KCNH7: variants seen among roughly 807,000 people sequenced by gnomAD.
KCNH7 encodes potassium voltage-gated channel subfamily H member 7.
Under a neutral mutation model 120.8 loss-of-function variants are expected in KCNH7, and 49 were observed. The observed-to-expected ratio is 0.41, with a 90% CI of 0.32 to 0.51. The LOEUF is 0.51. Among genes scored for constraint, KCNH7 ranks in the 20% least tolerant of loss-of-function variants. The pLI is 0.38. For missense variants in KCNH7, 1,097 were observed against 1,446.6 expected (o/e 0.76, Z 3.92); for synonymous variants, 547 against 516.1 (o/e 1.06, Z -0.81).
In KCNH7 at chr2:162,396,756, C is replaced by G; in HGVS notation, c.2597G>C (p.Arg866Thr). ...LTNLELTFNL[R>T]HESAKADLLR... ...AACATATACCTTTGCGCTCTCATGC[C>G]TTAGGTTGAAAGTCAACTCTAGGTT... Residue 866 changes from arginine to threonine, a missense_variant, in exon 11 of 16, where the codon AGG (arginine) becomes ACG (threonine). Coordinates refer to ENST00000332142, the MANE Select transcript of KCNH7 (RefSeq NM_033272.4). 2 of 1,610,626 alleles carry G rather than the reference C, an allele frequency of 1.2e-6. No homozygotes were observed. The highest frequency in any genetic ancestry group is 1.7e-6 in the Non-Finnish European group (2 of 1,177,902).
At chr2:162,718,182 T>A (rs748451121) in intron 2 of KCNH7, among the ~76,000 whole-genome samples, 24 of 151,738 alleles carry the variant, frequency 1.6e-4, no homozygotes, top group Non-Finnish European at 3.2e-4. Context: ...GCACCTAAAA[T>A]GTGACATGAT....
At chr2:162,533,179 C>CA (rs1280953082) in intron 3 of KCNH7, among the ~76,000 whole-genome samples, 2 of 150,934 alleles carry the variant, frequency 1.3e-5, no homozygotes, top group Non-Finnish European at 3.0e-5. Context: ...TCCCAAATAC[C>CA]AAAAAAACCC....
In KCNH7 at chr2:162,822,997, A is replaced by G. The variant is rs191970044; in HGVS notation, c.307+13540T>C. Among the ~76,000 whole-genome samples the G allele has an allele frequency of 2.1e-4, 32 of 152,342 alleles. No homozygotes were observed. In the East Asian group the frequency reaches 5.6e-3, roughly 27 times the overall value. ...CAGAAACATTTCACACTTTGCATCA[A>G]GGGGAGACCTGACTCCACATATGTG... On this transcript the variant is annotated intron_variant, in intron 2 of 15. Transcript: ENST00000332142.
At chr2:162,722,584 T>C (rs767731054) in intron 2 of KCNH7, among the ~76,000 whole-genome samples, 7 of 152,018 alleles carry the variant, frequency 4.6e-5, no homozygotes, top group Non-Finnish European at 8.8e-5. Flanking sequence ...TGTAGACCAG[T>C]TGGGTTCATC....
chr2:162,449,205 A>G (rs539412989), intron 6 of KCNH7, among the ~76,000 whole-genome samples: 23 of 152,206 alleles, frequency 1.5e-4, no homozygotes, highest in South Asian at 1.0e-3. Flanking sequence ...CTGAAGGTCT[A>G]ATGTGACTGG....
intron 2 of KCNH7, among the ~76,000 whole-genome samples, chr2:162,619,101 T>C (rs998661955): frequency 3.3e-5 from 5 of 152,168 alleles, no homozygotes; most frequent in African/African-American, 1.2e-4. Context: ...ATTCATTTAT[T>C]CATTCATTGA....
At chr2:162,580,323 A>C (rs1693827200) in intron 2 of KCNH7, among the ~76,000 whole-genome samples, 1 of 152,214 alleles carries the variant, frequency 6.6e-6, no homozygotes, top group South Asian at 2.1e-4. Context: ...GAGCCAGTAC[A>C]TATCCTTCAG....
intron 8 of KCNH7, among the ~76,000 whole-genome samples, chr2:162,430,039 CT>C (rs369221694): frequency 5.3e-5 from 8 of 150,744 alleles, no homozygotes; most frequent in African/African-American, 7.3e-5. Flanking sequence ...ATGCTTGTAA[CT>C]TTTTTTTTGT....
chr2:162,495,525 G>T (rs1267627598), intron 6 of KCNH7, among the ~76,000 whole-genome samples: 3 of 152,132 alleles, frequency 2.0e-5, no homozygotes, highest in Non-Finnish European at 4.4e-5. Flanking sequence ...TATTCTTGCT[G>T]TACTTTATGC....
At chr2:162,426,197 G>C (rs1558938650) in intron 8 of KCNH7, among the ~76,000 whole-genome samples, 1 of 139,932 alleles carries the variant, frequency 7.1e-6, no homozygotes, top group Non-Finnish European at 1.5e-5. Flanking sequence ...CTGGGTGACA[G>C]AGTGAGACCC....
intron 4 of KCNH7, among the ~76,000 whole-genome samples, chr2:162,515,570 T>G (rs1361726418): frequency 1.3e-5 from 2 of 151,768 alleles, no homozygotes; most frequent in African/African-American, 4.8e-5. Flanking sequence ...TCAGTATGAT[T>G]GCTAAAAGTG....
intron 12 of KCNH7, among the ~76,000 whole-genome samples, chr2:162,386,185 G>T (rs912374198): frequency 1.3e-5 from 2 of 151,772 alleles, no homozygotes; most frequent in South Asian, 4.1e-4. Context: ...ACTGTTACTT[G>T]TATATCCCTA....
chr2:162,523,022 T>C (rs930085945), intron 3 of KCNH7, among the ~76,000 whole-genome samples: 8 of 151,872 alleles, frequency 5.3e-5, no homozygotes, highest in Admixed American at 1.3e-4. Flanking sequence ...TCTTTCTCTG[T>C]GAAAAGTCTA....
chr2:162,579,283 T>C (rs1221423902), intron 2 of KCNH7, among the ~76,000 whole-genome samples: 1 of 152,020 alleles, frequency 6.6e-6, no homozygotes, highest in Non-Finnish European at 1.5e-5. Context: ...GGCTCCCTTG[T>C]AGGCTGAGCC....
At chr2:162,786,410 A>G (rs1420824588) in intron 2 of KCNH7, among the ~76,000 whole-genome samples, 2 of 152,194 alleles carry the variant, frequency 1.3e-5, no homozygotes, top group Non-Finnish European at 2.9e-5. Flanking sequence ...ACATGCACAG[A>G]GGTAAGCCAA....
At chr2:162,648,382 C>T (rs984028629) in intron 2 of KCNH7, among the ~76,000 whole-genome samples, 2 of 152,154 alleles carry the variant, frequency 1.3e-5, no homozygotes, top group Non-Finnish European at 2.9e-5. Flanking sequence ...AGTCCGCCCC[C>T]ATGATTCAGT....
chr2:162,799,955 C>T (rs1642898247), intron 2 of KCNH7, among the ~76,000 whole-genome samples: 1 of 151,414 alleles, frequency 6.6e-6, no homozygotes, highest in Non-Finnish European at 1.5e-5. Flanking sequence ...CACATACACA[C>T]ACACACACAC....
chr2:162,373,985 T>A (rs1314407913), intron 14 of KCNH7, among the ~76,000 whole-genome samples: 1 of 152,202 alleles, frequency 6.6e-6, no homozygotes, highest in Non-Finnish European at 1.5e-5. Flanking sequence ...TCAGTAATTG[T>A]CTTTGCTTTT....
chr2:162,565,393 A>G (rs531458854), intron 2 of KCNH7, among the ~76,000 whole-genome samples: 1 of 152,206 alleles, frequency 6.6e-6, no homozygotes, highest in African/African-American at 2.4e-5. Flanking sequence ...AATAAATTCT[A>G]ATTATTTAGT....
Sources: gnomAD v4.1 joint callset for allele counts (sites outside exome capture counted in the v4.1 genomes callset) on GRCh38, gnomAD v4.1.1 for gene constraint, MANE v1.5 for transcripts, NCBI Gene and HGNC (gene_info 2026-07-23, HGNC 2026-07-21) for gene names.